ANAPC10: variants seen among roughly 807,000 people sequenced by gnomAD.
ANAPC10 encodes anaphase-promoting complex subunit 10.
A neutral mutation model predicts 22.0 loss-of-function variants in ANAPC10; 12 were observed. The ratio of observed to expected loss-of-function variants is 0.55; its 90% confidence interval spans 0.35 to 0.88. The LOEUF is 0.88. Among genes scored for constraint, ANAPC10 ranks in the 40% least tolerant of loss-of-function variants. The pLI, the probability that ANAPC10 is intolerant of heterozygous loss-of-function variation, is 0.01. For synonymous variants in ANAPC10, 65 were observed against 69.5 expected (o/e 0.94, Z 0.32); for missense variants, 188 against 220.9 (o/e 0.85, Z 0.94).
intron 4 of ANAPC10, among the ~76,000 whole-genome samples, chr4:145,035,975 G>A (rs528455341): frequency 3.3e-5 from 5 of 152,228 alleles, no homozygotes; most frequent in African/African-American, 9.6e-5. Flanking sequence ...TGAGAGTTAC[G>A]TATTGCTGTT....
intron 3 of ANAPC10, among the ~76,000 whole-genome samples, chr4:145,066,968 G>GT (rs989638494): frequency 1.3e-5 from 2 of 152,168 alleles, no homozygotes; most frequent in African/African-American, 4.8e-5. Flanking sequence ...GGTGTCTGTA[G>GT]TTTTTTAAAT....
chr4:145,018,281 T>C (rs1032507948), intron 4 of ANAPC10, among the ~76,000 whole-genome samples: 3 of 151,848 alleles, frequency 2.0e-5, no homozygotes, highest in East Asian at 3.9e-4. Flanking sequence ...AATACTAACA[T>C]TGAATGTAAA....
chr4:145,035,098 A>T (rs1738302303), intron 4 of ANAPC10: 1 of 152,276 alleles, frequency 6.6e-6, no homozygotes, highest in South Asian at 2.1e-4. Flanking sequence ...TAGGTGAGAC[A>T]CAAGAGTTCT....
At chr4:145,054,668 ATG>A (rs1170130524) in intron 4 of ANAPC10, among the ~76,000 whole-genome samples, 30 of 139,500 alleles carry the variant, frequency 2.2e-4, no homozygotes, top group Middle Eastern at 3.9e-3. Flanking sequence ...CGTGCAGCGC[ATG>A]TGTGTGTGTG....
At chr4:145,006,080 T>C (rs562589310) in intron 4 of ANAPC10, among the ~76,000 whole-genome samples, 1 of 152,198 alleles carries the variant, frequency 6.6e-6, no homozygotes, top group African/African-American at 2.4e-5. Context: ...TATTGTGGGG[T>C]TTTCTAAGTC....
At chr4:145,069,270 T>A (rs1204684564) in intron 3 of ANAPC10, among the ~76,000 whole-genome samples, 1 of 151,776 alleles carries the variant, frequency 6.6e-6, no homozygotes, top group Admixed American at 6.6e-5. Context: ...GCAGGCAATT[T>A]TGGGACTGCA....
At chr4:145,032,566 C>T (rs1737778156) in intron 4 of ANAPC10, among the ~76,000 whole-genome samples, 1 of 152,194 alleles carries the variant, frequency 6.6e-6, no homozygotes. Context: ...GTTCTGTGGA[C>T]ACCACACAAC....
rs192698924 is a variant in ANAPC10 at position 145,083,738 on chromosome 4, C to T, written c.116-1988G>A. Among the ~76,000 whole-genome samples, 49 of 152,066 alleles carry T rather than the reference C, an allele frequency of 3.2e-4. 1 individual carries two copies. The highest frequency in any genetic ancestry group is 3.2e-3 in the Admixed American group (49 of 15,288). On this transcript the variant is annotated intron_variant, in intron 2 of 4. Transcript: ENST00000507656. ...TTATAAAATTTTTTTAACGTTGTTG[C>T]TAGATAATTTTAAATTACAAATGTG...
chr4:145,059,346 G>C (rs986683450), intron 4 of ANAPC10, among the ~76,000 whole-genome samples: 1 of 152,036 alleles, frequency 6.6e-6, no homozygotes, highest in South Asian at 2.1e-4. Context: ...CACAAGTAGA[G>C]AGCGAAAGGC....
At chr4:145,041,225 TG>T (rs1739467694) in intron 4 of ANAPC10, among the ~76,000 whole-genome samples, 1 of 152,184 alleles carries the variant, frequency 6.6e-6, no homozygotes, top group Non-Finnish European at 1.5e-5. Flanking sequence ...ATAGTTAAGG[TG>T]AAATTTTACA....
At position 145,055,918 on chromosome 4, in the gene ANAPC10, GT is replaced by G. The variant is rs772537558; in HGVS notation, c.327+8653del. On this transcript the variant is annotated intron_variant, in intron 4 of 4. Coordinates refer to ENST00000507656, the MANE Select transcript of ANAPC10 (RefSeq NM_001256706.2). Reference sequence around the variant, plus strand: ...TCAGGTGGTAAATTTTGTGGTATATGTTTTTTGCAATTAAAAAAGTTTTTAA... The same window carrying G: ...TCAGGTGGTAAATTTTGTGGTATATGTTTTTGCAATTAAAAAAGTTTTTAA... 5.3e-5 allele frequency among the ~76,000 whole-genome samples: 8 copies of G among 152,312 alleles called. No homozygotes were observed. The East Asian group carries it at 9.6e-4, about 18-fold the overall frequency.
chr4:145,046,705 T>A (rs1481727579), intron 4 of ANAPC10, among the ~76,000 whole-genome samples: 12 of 152,140 alleles, frequency 7.9e-5, no homozygotes, highest in East Asian at 1.9e-4. Flanking sequence ...ATAATTTTTT[T>A]AAAAATCCAA....
At chr4:145,010,773 T>C (rs942314021) in intron 4 of ANAPC10, among the ~76,000 whole-genome samples, 3 of 151,890 alleles carry the variant, frequency 2.0e-5, no homozygotes, top group Non-Finnish European at 4.4e-5. Context: ...TGTATACATA[T>C]GTAACAAACC....
At chr4:144,997,366 C>G (rs1231075644) in intron 4 of ANAPC10, among the ~76,000 whole-genome samples, 1 of 152,114 alleles carries the variant, frequency 6.6e-6, no homozygotes, top group African/African-American at 2.4e-5. Flanking sequence ...AAAGGGAAGC[C>G]CATCAGACTA....
chr4:145,080,793 G>A (rs1485042726), intron 3 of ANAPC10, among the ~76,000 whole-genome samples: 4 of 151,272 alleles, frequency 2.6e-5, no homozygotes, highest in African/African-American at 4.9e-5. Context: ...TGTAATCCCA[G>A]TTACTCGGAA....
chr4:145,010,962 G>A (rs1387593019), intron 4 of ANAPC10, among the ~76,000 whole-genome samples: 1 of 152,088 alleles, frequency 6.6e-6, no homozygotes, highest in East Asian at 1.9e-4. Flanking sequence ...ATCCACGGAA[G>A]GCACGGCAAG....
At chr4:145,042,585 G>C (rs1560865504) in intron 4 of ANAPC10, among the ~76,000 whole-genome samples, 1 of 151,300 alleles carries the variant, frequency 6.6e-6, no homozygotes, top group Non-Finnish European at 1.5e-5. Flanking sequence ...CTACTTTTTT[G>C]ATGTGCCAAT....
At chr4:145,091,047 AATG>A (rs756401233) in intron 2 of ANAPC10, among the ~76,000 whole-genome samples, 4 of 152,352 alleles carry the variant, frequency 2.6e-5, no homozygotes, top group South Asian at 2.1e-4. Context: ...CTAATCATAT[AATG>A]ATATTTCACT....
intron 4 of ANAPC10, among the ~76,000 whole-genome samples, chr4:145,048,145 C>T (rs562357510): frequency 5.9e-5 from 9 of 152,220 alleles, no homozygotes; most frequent in Admixed American, 1.3e-4. Flanking sequence ...CTAAAACGGA[C>T]GCCCCTCCAC....
Sources: gnomAD v4.1 joint callset for allele counts (sites outside exome capture counted in the v4.1 genomes callset) on GRCh38, gnomAD v4.1.1 for gene constraint, MANE v1.5 for transcripts, NCBI Gene and HGNC (gene_info 2026-07-23, HGNC 2026-07-21) for gene names.